CAMKMT: variants seen among roughly 807,000 people sequenced by gnomAD.
The protein encoded by CAMKMT is CaM KMT.
CAMKMT carries 53 observed loss-of-function variants against 48.0 expected under a neutral mutation model. The ratio of observed to expected loss-of-function variants is 1.10; its 90% CI spans 0.89 to 1.39. The LOEUF (loss-of-function observed/expected upper bound fraction) is 1.39, where lower values mean the gene tolerates loss of function less well. Ranked by LOEUF, CAMKMT falls within the 40% of genes most tolerant of loss-of-function variation. The probability of loss-of-function intolerance (pLI) is 0.00; values close to 1 mark genes in which losing one functional copy is unlikely to be tolerated. For missense variants in CAMKMT, 428 were observed against 402.7 expected, an observed-to-expected ratio of 1.06 and a Z score of -0.54; for synonymous variants, 165 against 152.3, an observed-to-expected ratio of 1.08 and a Z score of -0.61.
chr2:44,420,039 A>T (rs1342134161), intron 3 of CAMKMT, among the ~76,000 whole-genome samples: 1 of 152,144 alleles, frequency 6.6e-6, no homozygotes, highest in Non-Finnish European at 1.5e-5. Flanking sequence ...TGATCGCCCA[A>T]GTTTAGGTGA....
At chr2:44,686,975 A>G (rs184435371) in intron 3 of CAMKMT, among the ~76,000 whole-genome samples, 8 of 152,354 alleles carry the variant, frequency 5.3e-5, no homozygotes, top group Admixed American at 3.3e-4. Context: ...AGCTTGCTGC[A>G]TGGTGATCAT....
At chr2:44,617,598 C>A (rs541536116) in intron 3 of CAMKMT, among the ~76,000 whole-genome samples, 2 of 152,198 alleles carry the variant, frequency 1.3e-5, no homozygotes, top group Non-Finnish European at 2.9e-5. Flanking sequence ...AGATGTTTAT[C>A]TAATTTTATC....
At chr2:44,673,093 A>G (rs987219973) in intron 3 of CAMKMT, among the ~76,000 whole-genome samples, 6 of 152,104 alleles carry the variant, frequency 3.9e-5, no homozygotes, top group Admixed American at 1.3e-4. Context: ...TTTAATTGGC[A>G]CTACGGGCAA....
At chr2:44,652,543 A>G (rs1172795288) in intron 3 of CAMKMT, among the ~76,000 whole-genome samples, 2 of 152,090 alleles carry the variant, frequency 1.3e-5, no homozygotes, top group Non-Finnish European at 2.9e-5. Context: ...CTTTGAATTC[A>G]CTGGTCTGAA....
intron 3 of CAMKMT, among the ~76,000 whole-genome samples, chr2:44,467,553 A>C (rs145417170): frequency 2.3e-4 from 35 of 151,948 alleles, no homozygotes; most frequent in African/African-American, 8.0e-4. Context: ...AAAAAAAACA[A>C]AAAAAAACAA....
chr2:44,398,018 A>G (rs1682015929), intron 3 of CAMKMT, among the ~76,000 whole-genome samples: 1 of 152,086 alleles, frequency 6.6e-6, no homozygotes, highest in African/African-American at 2.4e-5. Flanking sequence ...AAGTCTTTTT[A>G]TTTTTCCCCC....
At chr2:44,472,299 C>G (rs1204565414) in intron 3 of CAMKMT, among the ~76,000 whole-genome samples, 1 of 151,996 alleles carries the variant, frequency 6.6e-6, no homozygotes, top group Admixed American at 6.6e-5. Flanking sequence ...ATTAAATGGG[C>G]AATTCTTTTT....
At chr2:44,627,745 T>C (rs1379727267) in intron 3 of CAMKMT, among the ~76,000 whole-genome samples, 2 of 135,724 alleles carry the variant, frequency 1.5e-5, no homozygotes, top group Non-Finnish European at 3.1e-5. Context: ...AGTCTCACTC[T>C]GTCACCTAGG....
chr2:44,390,892 A>C (rs1387130435), intron 3 of CAMKMT, among the ~76,000 whole-genome samples: 1 of 152,198 alleles, frequency 6.6e-6, no homozygotes, highest in East Asian at 1.9e-4. Flanking sequence ...AATATTTCTT[A>C]TAATTCTTGT....
At chr2:44,769,198 G>A (rs1389656651) in intron 10 of CAMKMT, among the ~76,000 whole-genome samples, 1 of 151,768 alleles carries the variant, frequency 6.6e-6, no homozygotes, top group Non-Finnish European at 1.5e-5. Flanking sequence ...TGATCAGGAG[G>A]AACAGCTTTG....
At chr2:44,631,266 A>C (rs1558757926) in intron 3 of CAMKMT, among the ~76,000 whole-genome samples, 1 of 152,060 alleles carries the variant, frequency 6.6e-6, no homozygotes, top group Non-Finnish European at 1.5e-5. Context: ...GGTAAGGGGG[A>C]GGGATAGCAT....
chr2:44,362,202 C>G, intron 1 of CAMKMT, 57 bp downstream of exon 1: 5 of 1,365,554 alleles, frequency 3.7e-6, no homozygotes, highest in South Asian at 3.0e-5. Context: ...TCTCACGTAC[C>G]GGGGGAGCGA....
intron 3 of CAMKMT, among the ~76,000 whole-genome samples, chr2:44,562,478 A>G (rs188163353): frequency 3.9e-5 from 6 of 152,258 alleles, no homozygotes; most frequent in East Asian, 3.9e-4. Context: ...TATTATTTCT[A>G]TTTCACAAAT....
intron 3 of CAMKMT, among the ~76,000 whole-genome samples, chr2:44,677,005 C>T (rs956744): frequency 6.6e-6 from 1 of 152,012 alleles, no homozygotes; most frequent in Non-Finnish European, 1.5e-5. Flanking sequence ...TTACAGTGCC[C>T]TTGATTCTTT....
chr2:44,634,431 C>T lies in CAMKMT; in HGVS notation c.377-69852C>T, dbSNP rs77270706. The stretch of plus-strand genomic sequence containing the variant: ...GTTCGATATATTTTGTCCAGTTTTC[C>T]AATTGTTTATAATTGGAGGTCAACT... On this transcript the variant is annotated intron_variant, in intron 3 of 10. Coordinates refer to ENST00000378494, the MANE Select transcript of CAMKMT (RefSeq NM_024766.5). 2.0e-4 allele frequency among the ~76,000 whole-genome samples: 30 copies of T among 151,946 alleles called. No homozygotes were observed. The East Asian group carries it at 4.8e-3, about 25-fold the overall frequency.
At chr2:44,715,863 G>A (rs1019782426) in intron 7 of CAMKMT, among the ~76,000 whole-genome samples, 2 of 152,100 alleles carry the variant, frequency 1.3e-5, no homozygotes, top group African/African-American at 2.4e-5. Flanking sequence ...AGAAACATCT[G>A]GCCCAGAATG....
rs545807712 is a variant in CAMKMT at position 44,591,550 on chromosome 2, CTGTT to C, written c.377-112729_377-112726del. Reference sequence around the variant, plus strand: ...GGGAGTTCACTCATGATTTGGCTCTCTGTTTGTCTGTTATTGGTGCTGGAGAGGA... The same window carrying C: ...GGGAGTTCACTCATGATTTGGCTCTCTGTCTGTTATTGGTGCTGGAGAGGA... On this transcript the variant is annotated intron_variant, in intron 3 of 10. Transcript: ENST00000378494. Among the ~76,000 whole-genome samples the C allele has an allele frequency of 3.2e-3, 488 of 152,256 alleles. 1 individual carries two copies. The highest frequency in any genetic ancestry group is 0.011 in the African/African-American group (464 of 41,538).
At chr2:44,699,601 A>AT (rs144755984) in intron 3 of CAMKMT, among the ~76,000 whole-genome samples, 21,853 of 149,448 alleles carry the variant, frequency 0.15, 1,628 homozygotes, top group South Asian at 0.18. Flanking sequence ...CTTTTCTCTT[A>AT]TTTTTTTTTT....
At chr2:44,443,624 A>G (rs972957865) in intron 3 of CAMKMT, among the ~76,000 whole-genome samples, 1 of 152,206 alleles carries the variant, frequency 6.6e-6, no homozygotes, top group African/African-American at 2.4e-5. Flanking sequence ...GTTGAAAGGC[A>G]TCATCCTCAT....
Sources: gnomAD v4.1 joint callset for allele counts (sites outside exome capture counted in the v4.1 genomes callset) on GRCh38, gnomAD v4.1.1 for gene constraint, MANE v1.5 for transcripts, NCBI Gene and HGNC (gene_info 2026-07-23, HGNC 2026-07-21) for gene names.